Variants in R3HCC1L observed in about 807,000 individuals in gnomAD.
The protein encoded by R3HCC1L is R3H domain and coiled-coil containing 1 like, also known as coiled-coil domain-containing protein R3HCC1L.
Under a neutral mutation model 59.9 loss-of-function variants are expected in R3HCC1L, and 51 were observed. That is an observed-to-expected ratio of 0.85 (90% CI 0.68 to 1.07). R3HCC1L has a LOEUF of 1.07. Among genes scored for constraint, R3HCC1L ranks in the 50% least tolerant of loss-of-function variants. The pLI is 0.00. For missense variants in R3HCC1L, 965 were observed against 933.0 expected (o/e 1.03, Z -0.45); for synonymous variants, 322 against 315.2 (o/e 1.02, Z -0.23).
At chr10:98,230,224 GT>G (rs1856206904) in intron 5 of R3HCC1L, among the ~76,000 whole-genome samples, 3 of 152,258 alleles carry the variant, frequency 2.0e-5, no homozygotes, top group East Asian at 3.9e-4. Context: ...ACTTTTTTTG[GT>G]TGGTAAGCTA....
chr10:98,164,337 G>GA (rs1331395808), intron 4 of R3HCC1L, among the ~76,000 whole-genome samples: 3 of 151,962 alleles, frequency 2.0e-5, no homozygotes, highest in Non-Finnish European at 4.4e-5. Flanking sequence ...TATAGGCACA[G>GA]AAAAAAGAGA....
At chr10:98,218,230 T>C (rs1438900229) in intron 5 of R3HCC1L, among the ~76,000 whole-genome samples, 1 of 152,182 alleles carries the variant, frequency 6.6e-6, no homozygotes, top group Non-Finnish European at 1.5e-5. Flanking sequence ...GATGTTGAAC[T>C]TCATCAAGTG....
chr10:98,186,585 A>G, intron 4 of R3HCC1L: 1 of 845,806 alleles, frequency 1.2e-6, no homozygotes, highest in Non-Finnish European at 1.4e-6. Context: ...TGCCACTAAC[A>G]GTTGTGACAA....
At chr10:98,234,545 T>C in intron 7 of R3HCC1L, 29 bp downstream of exon 7, 1 of 1,573,772 alleles carries the variant, frequency 6.4e-7, no homozygotes, top group Non-Finnish European at 8.7e-7. Context: ...TCAATCTTCC[T>C]TTCTTATTGT....
At chr10:98,240,846 G>A (rs564028506) in intron 9 of R3HCC1L, among the ~76,000 whole-genome samples, 19 of 143,252 alleles carry the variant, frequency 1.3e-4, no homozygotes, top group Admixed American at 2.1e-4. Context: ...GTGATGTAGC[G>A]TTTACTCATT....
chr10:98,221,596 T>C (rs1351395135), intron 5 of R3HCC1L, among the ~76,000 whole-genome samples: 2 of 151,552 alleles, frequency 1.3e-5, no homozygotes, highest in Non-Finnish European at 3.0e-5. Flanking sequence ...TTTCTACATA[T>C]GGCTAGCCAG....
At chr10:98,154,006 A>G (rs1846563010) in intron 1 of R3HCC1L, among the ~76,000 whole-genome samples, 1 of 152,194 alleles carries the variant, frequency 6.6e-6, no homozygotes. Context: ...ACTTCCTTTA[A>G]GGATACTTCC....
chr10:98,157,683 C>CT (rs1000131768), intron 2 of R3HCC1L, among the ~76,000 whole-genome samples: 3 of 152,262 alleles, frequency 2.0e-5, no homozygotes, highest in African/African-American at 4.8e-5. Flanking sequence ...AGCTTTGTTA[C>CT]TTTTTTTCTC....
chr10:98,137,446 T>C (rs1844708564), intron 1 of R3HCC1L, among the ~76,000 whole-genome samples: 1 of 152,164 alleles, frequency 6.6e-6, no homozygotes, highest in Non-Finnish European at 1.5e-5. Context: ...TTGTTGCTGT[T>C]GTTATTGATG....
chr10:98,240,797 ATT>A (rs11442554), intron 9 of R3HCC1L, among the ~76,000 whole-genome samples: 3 of 133,314 alleles, frequency 2.3e-5, no homozygotes, highest in African/African-American at 8.4e-5. Context: ...TTCTAACCAC[ATT>A]TTTTTTTTTT....
rs138631982 is a variant in R3HCC1L, at chr10:98,239,351, C to G, written c.2269+3187C>G. On this transcript the variant is annotated intron_variant, in intron 9 of 9. Coordinates refer to ENST00000298999, the MANE Select transcript of R3HCC1L (RefSeq NM_001351015.2). The stretch of plus-strand genomic sequence containing the variant: ...CTTTCTTGGTGAGTTTTGACATGAC[C>G]ATTGCCAATTTATCAGAATTAGCAT... 1.4e-3 allele frequency among the ~76,000 whole-genome samples: 215 copies of G among 152,214 alleles called. 1 individual carries two copies. Among genetic ancestry groups the G allele is most frequent in the African/African-American group, 4.1e-3 (171 of 41,522 alleles).
chr10:98,168,524 A>G (rs1848187530), intron 4 of R3HCC1L, among the ~76,000 whole-genome samples: 1 of 152,164 alleles, frequency 6.6e-6, no homozygotes, highest in Admixed American at 6.5e-5. Context: ...CCAAGATCCT[A>G]CTGGAATCAT....
intron 4 of R3HCC1L, among the ~76,000 whole-genome samples, chr10:98,204,311 A>T (rs2135169828): frequency 6.6e-6 from 1 of 152,276 alleles, no homozygotes; most frequent in South Asian, 2.1e-4. Context: ...AGGCTGAGGC[A>T]GGAGAATAGC....
intron 1 of R3HCC1L, among the ~76,000 whole-genome samples, chr10:98,147,764 C>G (rs1355712405): frequency 2.0e-5 from 3 of 152,068 alleles, no homozygotes; most frequent in African/African-American, 7.2e-5. Flanking sequence ...TCCCATTGGT[C>G]TATGTGTCTG....
chr10:98,164,561 A>G (rs1199204615), intron 4 of R3HCC1L, among the ~76,000 whole-genome samples: 1 of 152,154 alleles, frequency 6.6e-6, no homozygotes, highest in Admixed American at 6.6e-5. Context: ...CTGTCTTATT[A>G]GGAGTATTAT....
intron 4 of R3HCC1L, among the ~76,000 whole-genome samples, chr10:98,187,730 CTTTTTTTTTT>C (rs755546581): frequency 3.2e-5 from 3 of 95,162 alleles, no homozygotes; most frequent in Non-Finnish European, 4.3e-5. Context: ...TGTAACAATT[CTTTTTTTTTT>C]TTTTTTTTTT....
intron 4 of R3HCC1L, chr10:98,174,579 A>T (rs1023613570): frequency 1.0e-6 from 1 of 977,428 alleles, no homozygotes; most frequent in African/African-American, 1.8e-5. Flanking sequence ...AACAACAATG[A>T]GATGTCTCAG....
intron 4 of R3HCC1L, among the ~76,000 whole-genome samples, chr10:98,176,130 TA>T (rs1848994448): frequency 6.6e-6 from 1 of 152,182 alleles, no homozygotes; most frequent in Admixed American, 6.6e-5. Context: ...TTCATACATC[TA>T]AATGTTTACC....
At chr10:98,157,772 A>G (rs1847025615) in intron 2 of R3HCC1L, among the ~76,000 whole-genome samples, 1 of 152,254 alleles carries the variant, frequency 6.6e-6, no homozygotes, top group Non-Finnish European at 1.5e-5. Flanking sequence ...TTTGGAGAGA[A>G]GCAAAATTAT....
Sources: allele counts gnomAD v4.1 joint callset (sites outside exome capture counted in the v4.1 genomes callset), GRCh38; gene constraint gnomAD v4.1.1; transcripts MANE v1.5; gene names NCBI Gene and HGNC (gene_info 2026-07-23, HGNC 2026-07-21).